KIF13B: variants seen among roughly 807,000 people sequenced by gnomAD.
KIF13B encodes kinesin-like protein KIF13B.
A neutral mutation model predicts 222.0 loss-of-function variants in KIF13B; 127 were observed. The observed-to-expected ratio is 0.57, with a 90% CI of 0.50 to 0.66. The LOEUF (loss-of-function observed/expected upper bound fraction) is 0.66. Among genes scored for constraint, KIF13B ranks in the 30% least tolerant of loss-of-function variants. The pLI is 0.00. For missense variants in KIF13B, 2,173 were observed against 2,379.0 expected (o/e 0.91, Z 1.80); for synonymous variants, 976 against 919.0 (o/e 1.06, Z -1.12).
intron 37 of KIF13B, among the ~76,000 whole-genome samples, chr8:29,092,395 G>A (rs2133548526): frequency 6.6e-6 from 1 of 152,296 alleles, no homozygotes; most frequent in South Asian, 2.1e-4. Context: ...AAAAACAAAT[G>A]AAATCAAAAA....
At chr8:29,187,830 G>A (rs552281575) in intron 5 of KIF13B, among the ~76,000 whole-genome samples, 1 of 152,204 alleles carries the variant, frequency 6.6e-6, no homozygotes, top group Non-Finnish European at 1.5e-5. Flanking sequence ...ATGGGAACTC[G>A]TTATGACAAC....
At chr8:29,214,288 G>A (rs1814375812) in intron 2 of KIF13B, among the ~76,000 whole-genome samples, 1 of 138,096 alleles carries the variant, frequency 7.2e-6, no homozygotes, top group African/African-American at 3.2e-5. Flanking sequence ...TGTAATAACA[G>A]TCAGGTTAAA....
chr8:29,110,606 G>C (rs527461651), intron 32 of KIF13B: 1 of 153,774 alleles, frequency 6.5e-6, no homozygotes, highest in East Asian at 1.9e-4. Context: ...TCTAGAATTG[G>C]TTCAATCTTC....
chr8:29,170,388 C>T lies in KIF13B; in HGVS notation c.946-2803G>A, dbSNP rs141633960. On this transcript the variant is annotated intron_variant, in intron 10 of 39. Coordinates refer to ENST00000524189, the MANE Select transcript of KIF13B (RefSeq NM_015254.4). ...ACAGAGCTGAAATTACTCATTCACT[C>T]GACTCTTCCTGGAGTTCACCACTAG... 5.8e-3 allele frequency among the ~76,000 whole-genome samples: 886 copies of T among 152,302 alleles called. 25 individuals carry two copies. The highest frequency in any genetic ancestry group is 0.044 in the Admixed American group (669 of 15,300).
Position 29,072,113 on chromosome 8 carries a change from G to A in KIF13B, c.4725C>T (p.Thr1575=), listed in dbSNP as rs758985618. Reference sequence around the variant, plus strand: ...GGCCCAGGGCGTCCGACAGGGTCGCGGTGGAGACGCTGTGGGAGAAGTACC... The same window carrying A: ...GGCCCAGGGCGTCCGACAGGGTCGCAGTGGAGACGCTGTGGGAGAAGTACC... The part of the protein sequence containing the change: ...SSGYFSHSVS[T]ATLSDALGPG... The change falls in exon 39 of 40, where the codon ACC becomes ACT. Residue 1575 remains threonine (T), a synonymous_variant. Coordinates refer to ENST00000524189, the MANE Select transcript of KIF13B (RefSeq NM_015254.4). The A allele has an allele frequency of 6.6e-6, 9 of 1,366,822 alleles. No homozygotes were observed. Among genetic ancestry groups the A allele is most frequent in the Admixed American group, 3.6e-5 (1 of 27,922 alleles). 84.7% of individuals were successfully genotyped at this position (1,366,822 alleles called of 1,614,324 possible).
chr8:29,108,309 G>A, intron 34 of KIF13B, 117 bp from the exon 35 acceptor site: 1 of 875,368 alleles, frequency 1.1e-6, no homozygotes, highest in Admixed American at 2.2e-5. Flanking sequence ...TGGCAGCAGA[G>A]AGGTTGTCAT....
At chr8:29,187,625 G>A (rs942366953) in intron 5 of KIF13B, among the ~76,000 whole-genome samples, 3 of 152,142 alleles carry the variant, frequency 2.0e-5, no homozygotes, top group African/African-American at 7.2e-5. Flanking sequence ...AATTACCATA[G>A]TCCTACTGCC....
At chr8:29,168,584 G>A (rs574862974) in intron 10 of KIF13B, among the ~76,000 whole-genome samples, 105 of 152,310 alleles carry the variant, frequency 6.9e-4, no homozygotes, top group African/African-American at 2.5e-3. Flanking sequence ...CACTCTGGGG[G>A]AAACGGGCTG....
intron 21 of KIF13B, chr8:29,138,641 A>G (rs1033928981): frequency 7.2e-5 from 11 of 152,236 alleles, no homozygotes; most frequent in Admixed American, 2.0e-4. Context: ...TCCCTCCCCC[A>G]GGTAACACCT....
intron 37 of KIF13B, among the ~76,000 whole-genome samples, chr8:29,088,247 CAGAG>C (rs1808135046): frequency 6.6e-6 from 1 of 151,720 alleles, no homozygotes. Flanking sequence ...GCCTGGGCGA[CAGAG>C]GGAGACTCCA....
chr8:29,149,220 A>G (rs1205329767), intron 15 of KIF13B, among the ~76,000 whole-genome samples: 4 of 152,256 alleles, frequency 2.6e-5, no homozygotes, highest in Non-Finnish European at 5.9e-5. Flanking sequence ...TGGAAAGATC[A>G]GCTTAATCCA....
At chr8:29,205,804 C>CA (rs2130443390) in intron 2 of KIF13B, among the ~76,000 whole-genome samples, 1 of 152,060 alleles carries the variant, frequency 6.6e-6, no homozygotes, top group Non-Finnish European at 1.5e-5. Flanking sequence ...AAAAAGAGGC[C>CA]AGGCGTGGTG....
At chr8:29,183,534 A>C (rs1040189610) in intron 6 of KIF13B, among the ~76,000 whole-genome samples, 15 of 152,102 alleles carry the variant, frequency 9.9e-5, no homozygotes, top group African/African-American at 3.4e-4. Context: ...GCTCCTTTAT[A>C]ATCTGCTCTT....
intron 1 of KIF13B, among the ~76,000 whole-genome samples, chr8:29,247,833 C>CAAAAAAAA (rs57720312): frequency 5.5e-5 from 3 of 54,412 alleles, no homozygotes; most frequent in Admixed American, 2.1e-4. Flanking sequence ...GACCCTGTCT[C>CAAAAAAAA]AAAAAAAAAA....
rs1810146801 is a variant in KIF13B, at chr8:29,127,113, G to A, written c.3222+9C>T. The A allele has an allele frequency of 6.2e-7, 1 of 1,613,054 alleles. No individual in the cohort carries two copies. Among genetic ancestry groups the A allele is most frequent in the Non-Finnish European group, 8.5e-7 (1 of 1,179,346 alleles). ...TTTCAAGAAGAACATAACAGGTATA[G>A]AAACTTACATGGAAGGTCTCATGTG... On this transcript the variant is annotated intron_variant, in intron 25 of 39. Coordinates refer to ENST00000524189, the MANE Select transcript of KIF13B (RefSeq NM_015254.4).
intron 37 of KIF13B, among the ~76,000 whole-genome samples, chr8:29,080,971 C>G (rs1003648854): frequency 6.6e-6 from 1 of 152,316 alleles, no homozygotes; most frequent in Admixed American, 6.5e-5. Context: ...CTGGAGGGAG[C>G]TTTCCGAAAA....
intron 2 of KIF13B, among the ~76,000 whole-genome samples, chr8:29,227,717 G>A (rs550258417): frequency 6.6e-6 from 1 of 152,274 alleles, no homozygotes; most frequent in East Asian, 1.9e-4. Flanking sequence ...GGGAGGCAAA[G>A]GTGGCAGGAT....
At chr8:29,092,972 C>G in intron 36 of KIF13B, 94 bp from the exon 37 acceptor site, 1 of 1,159,180 alleles carries the variant, frequency 8.6e-7, no homozygotes, top group Non-Finnish European at 1.2e-6. Context: ...GTCAGCAAAT[C>G]TAACAAAAAC....
At chr8:29,144,257 G>A (rs992302215) in intron 18 of KIF13B, among the ~76,000 whole-genome samples, 2 of 151,870 alleles carry the variant, frequency 1.3e-5, no homozygotes, top group Non-Finnish European at 1.5e-5. Context: ...GTCAAAATGC[G>A]TGTGTGTGTT....
Sources: allele counts gnomAD v4.1 joint callset (sites outside exome capture counted in the v4.1 genomes callset), GRCh38; gene constraint gnomAD v4.1.1; transcripts MANE v1.5; gene names NCBI Gene and HGNC (gene_info 2026-07-23, HGNC 2026-07-21).